Variants in GAN observed in about 807,000 individuals in gnomAD.
GAN encodes epididymis secretory sperm binding protein.
GAN carries 48 observed loss-of-function variants against 71.3 expected under a neutral mutation model. That is an observed-to-expected ratio of 0.67 (90% CI 0.53 to 0.86). GAN has a LOEUF of 0.86. Ranked by LOEUF, GAN falls within the 40% of genes least tolerant of loss-of-function variation. GAN has a pLI of 0.00. For synonymous variants in GAN, 386 were observed against 276.8 expected (o/e 1.39, Z -3.92); for missense variants, 928 against 770.1 (o/e 1.21, Z -2.43).
intron 1 of GAN, among the ~76,000 whole-genome samples, chr16:81,327,232 C>T (rs1411165927): frequency 6.6e-6 from 1 of 152,210 alleles, no homozygotes; most frequent in Non-Finnish European, 1.5e-5. Context: ...GCATTCATTT[C>T]CTTGACAACA....
Position 81,356,883 on chromosome 16 carries a change from T to C in GAN, c.732T>C (p.Ile244=). The part of the protein sequence containing the change: ...QMLNEPLVRE[I]VKECSNIPLS... ...TGAATGAACCATTAGTACGAGAAAT[T>C]GTCAAAGAGTGTAGCAATATACCGC... The change falls in exon 4 of 11, where the codon ATT becomes ATC. Residue 244 remains isoleucine (I), a synonymous_variant. Coordinates refer to ENST00000648994, the MANE Select transcript of GAN (RefSeq NM_022041.4). 1 of 1,613,820 alleles carries C rather than the reference T, an allele frequency of 6.2e-7. No homozygotes were observed.
Position 81,315,079 on chromosome 16 carries a change from G to A in GAN, c.-35G>A, listed in dbSNP as rs757072806. On this transcript the variant is annotated 5_prime_UTR_variant, in exon 1 of 11. Transcript: ENST00000648994. ...GAGGGGTCCGGCCGGACGGTGTCGG[G>A]AGCCGGACCCGTCGGCAGAGGAGCG... 30 of 1,454,538 alleles carry A rather than the reference G, an allele frequency of 2.1e-5. No individual in the cohort carries two copies. The South Asian group carries it at 3.6e-4, about 18-fold the overall frequency. 90.1% of individuals were successfully genotyped at this position (1,454,538 alleles called of 1,614,324 possible). A position where few individuals can be genotyped will look rare whatever the true frequency, so the allele number is the denominator to read the frequency against.
intron 9 of GAN, among the ~76,000 whole-genome samples, chr16:81,368,818 T>C (rs543094621): frequency 2.6e-5 from 4 of 152,328 alleles, no homozygotes; most frequent in Non-Finnish European, 5.9e-5. Context: ...TTTTGAAAGA[T>C]GAACCTGACA....
intron 1 of GAN, among the ~76,000 whole-genome samples, chr16:81,323,183 G>T (rs1340149932): frequency 6.6e-6 from 1 of 152,156 alleles, no homozygotes; most frequent in African/African-American, 2.4e-5. Context: ...TTGACACTTA[G>T]TATAACAGAT....
intron 1 of GAN, among the ~76,000 whole-genome samples, chr16:81,341,758 G>A (rs1295894443): frequency 4.6e-5 from 7 of 152,204 alleles, no homozygotes; most frequent in Admixed American, 4.6e-4. Context: ...GCATCATAGT[G>A]ACAGGATCAA....
In GAN at chr16:81,315,005, G is replaced by T. The variant is rs1056933165; in HGVS notation, c.-109G>T. 9.7e-5 allele frequency: 93 copies of T among 956,674 alleles called. No individual in the cohort carries two copies. Among genetic ancestry groups the T allele is most frequent in the South Asian group, 4.8e-5 (2 of 41,848 alleles). 59.3% of individuals were successfully genotyped at this position (956,674 alleles called of 1,614,324 possible). ...CCGGGGGCTCCAGCTTCTGCTCAGAGCGCGGAGAGCCGGGCCGGGCGGGCG... is the reference window on the plus strand; with the variant it reads ...CCGGGGGCTCCAGCTTCTGCTCAGATCGCGGAGAGCCGGGCCGGGCGGGCG... On this transcript the variant is annotated 5_prime_UTR_variant, in exon 1 of 11. Coordinates refer to ENST00000648994, the MANE Select transcript of GAN (RefSeq NM_022041.4).
chr16:81,315,172 T>G lies in GAN; in HGVS notation c.59T>G (p.Leu20Arg). ...CACGCCGCGCGTCTGCTGCGAGCGC[T>G]CAGCTCTTTCCGCGAGGAGTCTCGC... is the stretch of plus-strand genomic sequence containing the variant. The part of the protein sequence containing the change: ...PQHAARLLRA[L>R]SSFREESRFC... The change falls in exon 1 of 11, where the codon CTC becomes CGC. Residue 20 changes from leucine (L) to arginine (R), a missense_variant. Leu to Arg is a moderately radical substitution (Grantham distance 102). Coordinates refer to ENST00000648994, the MANE Select transcript of GAN (RefSeq NM_022041.4). The G allele has an allele frequency of 2.6e-6, 4 of 1,567,018 alleles. No individual in the cohort carries two copies. The highest frequency in any genetic ancestry group is 3.5e-6 in the Non-Finnish European group (4 of 1,159,038).
At position 81,369,261 on chromosome 16, in the gene GAN, C is replaced by G. The variant is rs577321599; in HGVS notation, c.1502+3783C>G. ...CATGGATTGGGAGCCACCATGACAACAAGGGCTAAGTGGAAGTCCCCGGAG... is the reference window on the plus strand; with the variant it reads ...CATGGATTGGGAGCCACCATGACAAGAAGGGCTAAGTGGAAGTCCCCGGAG... On this transcript the variant is annotated intron_variant, in intron 9 of 10. Transcript: ENST00000648994. Among the ~76,000 whole-genome samples the G allele has an allele frequency of 3.9e-5, 6 of 152,268 alleles. No homozygotes were observed. In the South Asian group the frequency reaches 1.0e-3, roughly 26 times the overall value.
chr16:81,327,145 C>T (rs115947910), intron 1 of GAN, among the ~76,000 whole-genome samples: 2 of 152,158 alleles, frequency 1.3e-5, no homozygotes, highest in Non-Finnish European at 2.9e-5. Context: ...GAAGAAGAGA[C>T]CGAATTCTTT....
rs1363933197 is a variant in GAN, at chr16:81,378,747, A to C, written c.*1151A>C. On this transcript the variant is annotated 3_prime_UTR_variant, in exon 11 of 11. Coordinates refer to ENST00000648994, the MANE Select transcript of GAN (RefSeq NM_022041.4). Reference sequence around the variant, plus strand: ...CTGGTAGAATAAACTACCTCAACTTAATTTCATTCTGTTCATAGTAGAGCA... The same window carrying C: ...CTGGTAGAATAAACTACCTCAACTTCATTTCATTCTGTTCATAGTAGAGCA... 6.6e-6 allele frequency: 1 copy of C among 152,618 alleles called. No homozygotes were observed. The highest frequency in any genetic ancestry group is 6.5e-5 in the Admixed American group (1 of 15,282). 9.5% of individuals were successfully genotyped at this position (152,618 alleles called of 1,614,324 possible). A position where few individuals can be genotyped will look rare whatever the true frequency, so the allele number is the denominator to read the frequency against.
At chr16:81,361,964 C>T (rs1021438702) in intron 5 of GAN, among the ~76,000 whole-genome samples, 1 of 152,238 alleles carries the variant, frequency 6.6e-6, no homozygotes, top group African/African-American at 2.4e-5. Flanking sequence ...TGCTGAGCCA[C>T]CACCACCCGG....
intron 2 of GAN, among the ~76,000 whole-genome samples, chr16:81,353,291 C>G (rs376906957): frequency 9.0e-5 from 12 of 132,664 alleles, no homozygotes; most frequent in African/African-American, 3.5e-4. Flanking sequence ...GACTCCGTCT[C>G]AAAAAAAAAA....
At position 81,315,099 on chromosome 16, in the gene GAN, G is replaced by C. The variant is rs755662335; in HGVS notation, c.-15G>C. 1 of 1,483,438 alleles carries C rather than the reference G, an allele frequency of 6.7e-7. No individual in the cohort carries two copies. The highest frequency in any genetic ancestry group is 1.3e-5 in the South Asian group (1 of 77,940). 91.9% of individuals were successfully genotyped at this position (1,483,438 alleles called of 1,614,324 possible). ...GTCGGGAGCCGGACCCGTCGGCAGA[G>C]GAGCGGGCGCCGCGATGGCTGAGGG... On this transcript the variant is annotated 5_prime_UTR_variant, in exon 1 of 11. Coordinates refer to ENST00000648994, the MANE Select transcript of GAN (RefSeq NM_022041.4).
chr16:81,369,431 A>G (rs536718395), intron 9 of GAN, among the ~76,000 whole-genome samples: 110 of 152,362 alleles, frequency 7.2e-4, no homozygotes, highest in African/African-American at 2.5e-3. Flanking sequence ...GAAAAAGTAG[A>G]AAAGTAAAGT....
intron 9 of GAN, among the ~76,000 whole-genome samples, chr16:81,375,583 C>T (rs564285113): frequency 8.5e-5 from 13 of 152,068 alleles, no homozygotes; most frequent in African/African-American, 2.9e-4. Flanking sequence ...GCCTCAACCT[C>T]CCAAAGTATT....
At chr16:81,334,048 T>C (rs1444444392) in intron 1 of GAN, among the ~76,000 whole-genome samples, 11 of 152,254 alleles carry the variant, frequency 7.2e-5, no homozygotes, top group Admixed American at 7.2e-4. Flanking sequence ...TTCTTTGAGA[T>C]AAATTTCTCC....
intron 9 of GAN, among the ~76,000 whole-genome samples, chr16:81,368,904 T>C (rs942895366): frequency 5.3e-5 from 8 of 152,188 alleles, no homozygotes; most frequent in African/African-American, 1.7e-4. Flanking sequence ...TCTTGACTGT[T>C]TCCCACTGCT....
intron 1 of GAN, among the ~76,000 whole-genome samples, chr16:81,316,725 C>G (rs1017405793): frequency 6.6e-6 from 1 of 152,214 alleles, no homozygotes; most frequent in Non-Finnish European, 1.5e-5. Context: ...AAGTAAATTG[C>G]AAATTGCCGA....
rs938587429 is a variant in GAN, at chr16:81,385,461, C to G, written c.*7865C>G. 2.0e-5 allele frequency: 3 copies of G among 152,198 alleles called. No homozygotes were observed. The highest frequency in any genetic ancestry group is 7.2e-5 in the African/African-American group (3 of 41,444). The allele number at this position is 152,198 out of a possible 1,614,324, so 9.4% of individuals were successfully genotyped here. ...ACTTACTACTCTGTGACTTGGGAAG[C>G]TCTTAAGGCTCCCAAGGCTCCGTTT... On this transcript the variant is annotated 3_prime_UTR_variant, in exon 11 of 11. Coordinates refer to ENST00000648994, the MANE Select transcript of GAN (RefSeq NM_022041.4).
Sources: allele counts gnomAD v4.1 joint callset (sites outside exome capture counted in the v4.1 genomes callset), GRCh38; gene constraint gnomAD v4.1.1; transcripts MANE v1.5; gene names NCBI Gene and HGNC (gene_info 2026-07-23, HGNC 2026-07-21).